The following GABRA4 variants were observed in gnomAD, a reference collection of about 807,000 sequenced individuals.
GABRA4 encodes the protein gamma-aminobutyric acid receptor subunit alpha-4.
GABRA4 carries 12 observed loss-of-function variants against 49.7 expected under a neutral mutation model. That is an observed-to-expected ratio of 0.24 (90% CI 0.15 to 0.39). The LOEUF (loss-of-function observed/expected upper bound fraction) is 0.39, where lower values mean the gene tolerates loss of function less well. GABRA4 is among the 10% of genes least tolerant of loss of function. GABRA4 has a pLI of 1.00. For synonymous variants in GABRA4, 288 were observed against 240.2 expected (o/e 1.20, Z -1.84); for missense variants, 506 against 686.0 (o/e 0.74, Z 2.93).
At chr4:46,969,992 A>C (rs16859788) in intron 7 of GABRA4, among the ~76,000 whole-genome samples, 7,118 of 151,202 alleles carry the variant, frequency 0.047, 569 homozygotes, top group African/African-American at 0.16. Context: ...GTATACTTCC[A>C]GTACTTTTTC....
At chr4:46,974,406 C>T (rs781712549) in intron 5 of GABRA4, 31 bp from the exon 6 acceptor site, 6 of 1,584,284 alleles carry the variant, frequency 3.8e-6, no homozygotes. Flanking sequence ...TGGTTAGAGT[C>T]AATGCTCCTT....
chr4:46,958,240 C>T (rs569978923), intron 8 of GABRA4, among the ~76,000 whole-genome samples: 77 of 151,962 alleles, frequency 5.1e-4, no homozygotes, highest in African/African-American at 1.7e-3. Context: ...GCTTCTTCAT[C>T]TGTAAAATAG....
intron 8 of GABRA4, among the ~76,000 whole-genome samples, chr4:46,956,628 C>T (rs1419229929): frequency 1.3e-5 from 2 of 151,902 alleles, no homozygotes; most frequent in Non-Finnish European, 1.5e-5. Flanking sequence ...GAAAATGTGA[C>T]TCAGAACGCT....
chr4:46,969,827 T>C (rs1037844269), intron 7 of GABRA4, among the ~76,000 whole-genome samples: 1 of 151,392 alleles, frequency 6.6e-6, no homozygotes, highest in African/African-American at 2.4e-5. Flanking sequence ...CTTTCAAACT[T>C]ATATTTAAGA....
intron 8 of GABRA4, among the ~76,000 whole-genome samples, chr4:46,948,964 A>T (rs1429556073): frequency 2.0e-5 from 3 of 152,114 alleles, no homozygotes; most frequent in Non-Finnish European, 4.4e-5. Context: ...ATAGTCTGGT[A>T]ACAAAATCTC....
intron 8 of GABRA4, among the ~76,000 whole-genome samples, chr4:46,959,054 G>A (rs1443444010): frequency 6.6e-6 from 1 of 151,894 alleles, no homozygotes; most frequent in Non-Finnish European, 1.5e-5. Context: ...ATAATTCTTA[G>A]AATAAATATT....
intron 2 of GABRA4, among the ~76,000 whole-genome samples, chr4:46,982,797 A>G (rs921090483): frequency 1.3e-5 from 2 of 152,038 alleles, no homozygotes; most frequent in Non-Finnish European, 2.9e-5. Context: ...GGGAAGCAAA[A>G]GTAGAAGAAG....
rs774667051 is a variant in GABRA4 at position 46,971,077 on chromosome 4, A to C, written c.874+6T>G. On this transcript the variant is annotated splice_donor_region_variant and intron_variant, in intron 7 of 8. Transcript: ENST00000264318. ...CAAAAACGCCCAAGAAATGAATTGC[A>C]ATTACCAAATACAGTCCTAGCGGGA... The C allele has an allele frequency of 8.1e-6, 13 of 1,599,516 alleles. No individual in the cohort carries two copies. In the East Asian group the frequency reaches 2.7e-4, roughly 33 times the overall value.
intron 8 of GABRA4, among the ~76,000 whole-genome samples, chr4:46,937,057 A>T (rs1454220649): frequency 3.3e-5 from 5 of 152,200 alleles, no homozygotes; most frequent in Non-Finnish European, 5.9e-5. Context: ...TGGAGACAAG[A>T]CCTTTAAGGA....
intron 8 of GABRA4, among the ~76,000 whole-genome samples, chr4:46,936,570 G>A (rs1721610500): frequency 6.6e-6 from 1 of 152,104 alleles, no homozygotes; most frequent in African/African-American, 2.4e-5. Context: ...TTCTTTCTGG[G>A]ACTTTACCAA....
intron 2 of GABRA4, among the ~76,000 whole-genome samples, chr4:46,980,373 C>CA (rs35377347): frequency 0.22 from 27,604 of 127,102 alleles, 3,688 homozygotes; most frequent in African/African-American, 0.38. Context: ...CGATTTATGC[C>CA]AAAAAAAAAA....
intron 8 of GABRA4, among the ~76,000 whole-genome samples, chr4:46,946,172 A>G (rs1301912703): frequency 6.6e-6 from 1 of 152,144 alleles, no homozygotes; most frequent in African/African-American, 2.4e-5. Context: ...TGCTGTGACC[A>G]GGCAGTCTCA....
intron 8 of GABRA4, among the ~76,000 whole-genome samples, chr4:46,929,971 C>A (rs189415123): frequency 6.4e-4 from 98 of 152,124 alleles, no homozygotes; most frequent in Non-Finnish European, 1.9e-4. Context: ...TAATTGAAAT[C>A]TCACTTTAGA....
At chr4:46,968,193 C>T (rs564197903) in intron 7 of GABRA4, among the ~76,000 whole-genome samples, 2 of 151,458 alleles carry the variant, frequency 1.3e-5, no homozygotes, top group Non-Finnish European at 3.0e-5. Flanking sequence ...CTAATTTCCT[C>T]CTAAATACTT....
intron 7 of GABRA4, among the ~76,000 whole-genome samples, chr4:46,970,571 GAAGT>G (rs1055889551): frequency 2.0e-4 from 30 of 151,250 alleles, no homozygotes; most frequent in East Asian, 1.8e-3. Context: ...AGAAAAAAAA[GAAGT>G]AAGTAAATAT....
At chr4:46,971,515 T>C (rs1039983234) in intron 6 of GABRA4, among the ~76,000 whole-genome samples, 10 of 151,670 alleles carry the variant, frequency 6.6e-5, no homozygotes, top group Admixed American at 1.3e-4. Context: ...TCTATTTTGA[T>C]GGTCTAATAT....
At chr4:46,978,971 C>T (rs1476304883) in intron 3 of GABRA4, 60 bp downstream of exon 3, 2 of 1,079,418 alleles carry the variant, frequency 1.9e-6, no homozygotes, top group Non-Finnish European at 2.9e-6. Flanking sequence ...ATTAATTGCC[C>T]TCTTTTCTAC....
intron 8 of GABRA4, among the ~76,000 whole-genome samples, chr4:46,958,587 A>C (rs1386870111): frequency 6.6e-6 from 1 of 152,002 alleles, no homozygotes; most frequent in Non-Finnish European, 1.5e-5. Context: ...ACTCAACTCA[A>C]ATAAGAACAG....
In GABRA4 at chr4:46,992,821, T is replaced by C. The variant is rs200026156; in HGVS notation, c.205+7A>G. 43 of 1,605,752 alleles carry C rather than the reference T, an allele frequency of 2.7e-5. No homozygotes were observed. The East Asian group carries it at 8.5e-4, about 32-fold the overall frequency. ...GGACACACTTGCGCGTTTGAAATCG[T>C]TCATACCCCCAAATCCAGGACGCAG... On this transcript the variant is annotated splice_region_variant and intron_variant, in intron 2 of 8. Transcript: ENST00000264318.
Sources: gnomAD v4.1 joint callset for allele counts (sites outside exome capture counted in the v4.1 genomes callset) on GRCh38, gnomAD v4.1.1 for gene constraint, MANE v1.5 for transcripts, NCBI Gene and HGNC (gene_info 2026-07-23, HGNC 2026-07-21) for gene names.